ANK3: variants seen among roughly 807,000 people sequenced by gnomAD.
ANK3 encodes ankyrin 3.
In ANK3, 57 loss-of-function variants were observed where a neutral mutation model predicts 370.9. The ratio of observed to expected loss-of-function variants is 0.15; its 90% CI spans 0.12 to 0.19. The LOEUF is 0.19. Among genes scored for constraint, ANK3 ranks in the 10% least tolerant of loss-of-function variants. The pLI, the probability that ANK3 is intolerant of heterozygous loss-of-function variation, is 1.00. For synonymous variants in ANK3, 1,929 were observed against 1,946.3 expected, an observed-to-expected ratio of 0.99 and a Z score of 0.23; for missense variants, 4,439 against 5,302.1, an observed-to-expected ratio of 0.84 and a Z score of 5.06.
intron 43 of ANK3, among the ~76,000 whole-genome samples, chr10:60,042,050 G>A (rs565326083): frequency 6.6e-6 from 1 of 152,276 alleles, no homozygotes; most frequent in Admixed American, 6.5e-5. Context: ...AAATAAATAG[G>A]ACAATGTAAA....
intron 2 of ANK3, among the ~76,000 whole-genome samples, chr10:60,544,078 C>A (rs1296809537): frequency 2.0e-5 from 3 of 152,062 alleles, no homozygotes; most frequent in Non-Finnish European, 4.4e-5. Context: ...TCAGTAGGAT[C>A]TAGACACTGG....
intron 21 of ANK3, 24 bp downstream of exon 21, chr10:60,172,284 C>T (rs768904943): frequency 6.3e-7 from 1 of 1,591,094 alleles, no homozygotes; most frequent in East Asian, 2.2e-5. Flanking sequence ...CCTAGGGTAA[C>T]AAGGTTCTGC....
intron 2 of ANK3, among the ~76,000 whole-genome samples, chr10:60,595,713 T>A (rs1212438259): frequency 1.3e-5 from 2 of 152,166 alleles, no homozygotes; most frequent in African/African-American, 4.8e-5. Context: ...GAGGAACTGT[T>A]ATCTTTGTTT....
chr10:60,448,613 C>T (rs2064513756), intron 2 of ANK3, among the ~76,000 whole-genome samples: 1 of 152,180 alleles, frequency 6.6e-6, no homozygotes, highest in African/African-American at 2.4e-5. Flanking sequence ...TCTTAGTTAC[C>T]TGCTTCGTGC....
intron 1 of ANK3, among the ~76,000 whole-genome samples, chr10:60,642,558 C>G (rs557101132): frequency 6.6e-6 from 1 of 151,690 alleles, no homozygotes; most frequent in Non-Finnish European, 1.5e-5. Context: ...TGCATGTTCT[C>G]ACTCATAGGT....
chr10:60,279,789 G>GA (rs1446868824), intron 1 of ANK3, 150 bp from the exon 2 acceptor site: 56 of 660,564 alleles, frequency 8.5e-5, no homozygotes, highest in Middle Eastern at 3.4e-4. Context: ...AAAGAACCAA[G>GA]AAAAGGACAC....
chr10:60,529,807 C>G lies in ANK3; in HGVS notation c.96+85379G>C, dbSNP rs538846990. ...AGGCAACCCCCAATCATCTTACTGT[C>G]TAAACCAATATATAAGATACATGAT... On this transcript the variant is annotated intron_variant, in intron 2 of 43. Coordinates refer to the ANK3 transcript ENST00000373827. Among the ~76,000 whole-genome samples, 12 of 152,272 alleles carry G rather than the reference C, an allele frequency of 7.9e-5. No homozygotes were observed. The South Asian group carries it at 2.5e-3, about 32-fold the overall frequency.
intron 1 of ANK3, among the ~76,000 whole-genome samples, chr10:60,654,292 A>G (rs1325411032): frequency 1.3e-5 from 2 of 152,144 alleles, no homozygotes; most frequent in African/African-American, 4.8e-5. Flanking sequence ...CAATTTGTAC[A>G]TATTTTATTT....
rs766586650 is a variant in ANK3, at chr10:60,073,995, G to A, written c.6886C>T (p.His2296Tyr). The change falls in exon 37 of 44, where the codon CAT becomes TAT. Residue 2296 changes from histidine to tyrosine, a missense_variant. This residue lies in a region of ANK3 where 1,601 missense variants were observed against 1,731.7 expected (regional missense o/e 0.92). Transcript: ENST00000280772. ...ACATCTGGAGACACTGCCGACTTAT[G>A]TTCAAACAGACCTGCCAGTTCTTTG... ...PSKELAGLFE[H>Y]KSAVSPDVHK... The A allele has an allele frequency of 3.0e-5, 48 of 1,613,936 alleles. No individual in the cohort carries two copies. The highest frequency in any genetic ancestry group is 6.7e-5 in the African/African-American group (5 of 74,908).
intron 1 of ANK3, among the ~76,000 whole-genome samples, chr10:60,341,070 C>A (rs931663512): frequency 1.3e-5 from 2 of 152,162 alleles, no homozygotes; most frequent in African/African-American, 4.8e-5. Flanking sequence ...CTAGAGTCTG[C>A]TCAAAGCCAC....
intron 1 of ANK3, among the ~76,000 whole-genome samples, chr10:60,659,685 G>C (rs200593319): frequency 1.3e-5 from 2 of 152,024 alleles, no homozygotes; most frequent in Non-Finnish European, 2.9e-5. Context: ...TCATTAAAGT[G>C]ACTAAGGAAA....
intron 2 of ANK3, among the ~76,000 whole-genome samples, chr10:60,605,732 G>C (rs2078120610): frequency 6.6e-6 from 1 of 152,140 alleles, no homozygotes; most frequent in South Asian, 2.1e-4. Flanking sequence ...TCATAGGCAG[G>C]TCAATATGTG....
chr10:60,059,555 G>C, intron 40 of ANK3, 125 bp from the exon 41 acceptor site: 1 of 1,236,942 alleles, frequency 8.1e-7, no homozygotes, highest in Non-Finnish European at 1.2e-6. Context: ...ATAGAGATTT[G>C]AGTTTCTCTT....
chr10:60,570,878 C>A (rs1259255561), intron 2 of ANK3, among the ~76,000 whole-genome samples: 1 of 152,062 alleles, frequency 6.6e-6, no homozygotes, highest in East Asian at 1.9e-4. Flanking sequence ...TTAAAGGATT[C>A]CACATAAAAG....
chr10:60,301,629 C>G (rs1382372968), intron 1 of ANK3, among the ~76,000 whole-genome samples: 1 of 152,010 alleles, frequency 6.6e-6, no homozygotes, highest in Non-Finnish European at 1.5e-5. Flanking sequence ...GTTGGCCAGG[C>G]TGGTCTCAAA....
chr10:60,472,532 G>A (rs1173705437), intron 2 of ANK3, among the ~76,000 whole-genome samples: 1 of 152,132 alleles, frequency 6.6e-6, no homozygotes, highest in Non-Finnish European at 1.5e-5. Flanking sequence ...TTGGGTTTTT[G>A]TTTAGTTTTC....
At chr10:60,432,920 G>C (rs571272692) in intron 2 of ANK3, among the ~76,000 whole-genome samples, 3 of 151,978 alleles carry the variant, frequency 2.0e-5, no homozygotes, top group Non-Finnish European at 4.4e-5. Context: ...TCCTGTTCCC[G>C]CATCAGCCCA....
At chr10:60,496,240 T>C (rs576411604) in intron 2 of ANK3, among the ~76,000 whole-genome samples, 12 of 152,342 alleles carry the variant, frequency 7.9e-5, no homozygotes, top group African/African-American at 2.2e-4. Flanking sequence ...AGTTACTAAA[T>C]ACTAAGCAGT....
intron 42 of ANK3, among the ~76,000 whole-genome samples, chr10:60,050,326 T>C (rs1352771542): frequency 6.6e-6 from 1 of 152,178 alleles, no homozygotes; most frequent in Non-Finnish European, 1.5e-5. Context: ...TAACTCAAAA[T>C]TTAGACAACG....
Sources: gnomAD v4.1 joint callset for allele counts (sites outside exome capture counted in the v4.1 genomes callset) on GRCh38, gnomAD v4.1.1 for gene constraint, gnomAD v4.1.1 regional missense constraint, MANE v1.5 for transcripts, NCBI Gene and HGNC (gene_info 2026-07-23, HGNC 2026-07-21) for gene names.